Variants in KIF6 observed in about 807,000 individuals in gnomAD.
The protein encoded by KIF6 is kinesin family member 6.
A neutral mutation model predicts 112.7 loss-of-function variants in KIF6; 106 were observed. That is an observed-to-expected ratio of 0.94 (90% CI 0.80 to 1.11). The LOEUF (loss-of-function observed/expected upper bound fraction) is 1.11. KIF6 is among the 50% of genes least tolerant of loss of function. The pLI is 0.00. For synonymous variants in KIF6, 339 were observed against 339.9 expected (o/e 1.00, Z 0.03); for missense variants, 929 against 964.0 (o/e 0.96, Z 0.48).
chr6:39,472,741 G>C (rs1241054974), intron 13 of KIF6, among the ~76,000 whole-genome samples: 1 of 152,136 alleles, frequency 6.6e-6, no homozygotes, highest in Non-Finnish European at 1.5e-5. Flanking sequence ...GATGAGCCCT[G>C]GCCAAGTAGG....
At chr6:39,572,163 A>T (rs1249766562) in intron 10 of KIF6, among the ~76,000 whole-genome samples, 1 of 152,202 alleles carries the variant, frequency 6.6e-6, no homozygotes, top group Non-Finnish European at 1.5e-5. Flanking sequence ...AGAAACCTTA[A>T]GTCTGCAGAG....
Position 39,586,327 on chromosome 6 carries a change from G to A in KIF6, c.924C>T (p.Asp308=). ...RNSMMTSVLR[D]SLGGNCMTTM... Reference sequence around the variant, plus strand: ...TTGTCATGCAGTTCCCTCCCAAACTGTCTCTTAGGACACTGGTCATCATGG... The same window carrying A: ...TTGTCATGCAGTTCCCTCCCAAACTATCTCTTAGGACACTGGTCATCATGG... Residue 308 remains aspartate, a synonymous_variant, in exon 8 of 23, where the codon GAC becomes GAT. Coordinates refer to ENST00000287152, the MANE Select transcript of KIF6 (RefSeq NM_145027.6). The A allele has an allele frequency of 6.2e-7, 1 of 1,613,980 alleles. No individual in the cohort carries two copies. The highest frequency in any genetic ancestry group is 1.1e-5 in the South Asian group (1 of 91,070).
At chr6:39,429,404 T>A (rs1770980385) in intron 14 of KIF6, among the ~76,000 whole-genome samples, 1 of 152,206 alleles carries the variant, frequency 6.6e-6, no homozygotes, top group African/African-American at 2.4e-5. Context: ...GATTTGTTTT[T>A]CCATTCTTGC....
intron 4 of KIF6, among the ~76,000 whole-genome samples, chr6:39,638,853 A>C (rs1352224345): frequency 6.6e-6 from 1 of 152,104 alleles, no homozygotes; most frequent in Non-Finnish European, 1.5e-5. Flanking sequence ...GTGACTCATT[A>C]CGGGGAATTT....
At chr6:39,422,288 G>A in intron 14 of KIF6, among the ~76,000 whole-genome samples, 1 of 152,168 alleles carries the variant, frequency 6.6e-6, no homozygotes, top group Middle Eastern at 3.2e-3. Context: ...CCTTGGCGGT[G>A]CCCAGATGTG....
intron 19 of KIF6, among the ~76,000 whole-genome samples, chr6:39,351,492 G>A (rs1321630511): frequency 6.6e-6 from 1 of 152,026 alleles, no homozygotes; most frequent in East Asian, 1.9e-4. Context: ...TGGCTCAAGC[G>A]ATCCACCGGC....
At chr6:39,482,830 C>T (rs77966025) in intron 13 of KIF6, among the ~76,000 whole-genome samples, 1,832 of 152,230 alleles carry the variant, frequency 0.012, 46 homozygotes, top group African/African-American at 0.041. Flanking sequence ...CCAAGGGCTC[C>T]GGGTACGAGG....
At chr6:39,703,800 T>G (rs887564347) in intron 3 of KIF6, among the ~76,000 whole-genome samples, 2 of 152,208 alleles carry the variant, frequency 1.3e-5, no homozygotes, top group African/African-American at 4.8e-5. Flanking sequence ...TGATTTTGCT[T>G]TTGCCAGTCA....
chr6:39,460,306 T>C (rs1468735748), intron 13 of KIF6, among the ~76,000 whole-genome samples: 2 of 111,332 alleles, frequency 1.8e-5, no homozygotes, highest in Non-Finnish European at 3.5e-5. Context: ...TTCTCACTCA[T>C]AGGTGGGAAT....
intron 13 of KIF6, chr6:39,431,398 G>T (rs116377861): frequency 0.01 from 3,911 of 382,232 alleles, 28 homozygotes; most frequent in Non-Finnish European, 0.014. Flanking sequence ...TGTGACTCGT[G>T]GGGGGCGGGG....
At chr6:39,572,659 CTTT>C (rs35901482) in intron 10 of KIF6, among the ~76,000 whole-genome samples, 56 of 102,188 alleles carry the variant, frequency 5.5e-4, no homozygotes, top group Admixed American at 8.6e-4. Flanking sequence ...GATCTACAGG[CTTT>C]TTTTTTTTTT....
chr6:39,507,902 C>T (rs1776533393), intron 13 of KIF6, among the ~76,000 whole-genome samples: 1 of 145,230 alleles, frequency 6.9e-6, no homozygotes, highest in South Asian at 2.2e-4. Context: ...TCTCTCTCTC[C>T]TCCTTCCTTC....
At chr6:39,641,529 A>G (rs547300774) in intron 3 of KIF6, among the ~76,000 whole-genome samples, 209 of 152,196 alleles carry the variant, frequency 1.4e-3, no homozygotes, top group African/African-American at 4.6e-3. Flanking sequence ...GCATTAGGAG[A>G]TATACCTAAT....
intron 12 of KIF6, among the ~76,000 whole-genome samples, chr6:39,540,569 G>A (rs1332271330): frequency 6.6e-6 from 1 of 152,250 alleles, no homozygotes; most frequent in Non-Finnish European, 1.5e-5. Flanking sequence ...GATAAAAGAT[G>A]AATTTACTCA....
intron 15 of KIF6, among the ~76,000 whole-genome samples, chr6:39,405,296 T>C (rs148837695): frequency 6.6e-6 from 1 of 152,326 alleles, no homozygotes; most frequent in East Asian, 1.9e-4. Flanking sequence ...TTGCTGCCGA[T>C]CTTAGAGAAA....
At chr6:39,702,685 A>C (rs966670478) in intron 3 of KIF6, among the ~76,000 whole-genome samples, 2 of 152,214 alleles carry the variant, frequency 1.3e-5, no homozygotes, top group African/African-American at 4.8e-5. Flanking sequence ...TGTAGGCATG[A>C]GCCACCAAGG....
intron 13 of KIF6, among the ~76,000 whole-genome samples, chr6:39,437,750 A>G (rs1024147431): frequency 9.2e-5 from 14 of 152,202 alleles, no homozygotes; most frequent in African/African-American, 3.4e-4. Context: ...GTTTCAATCA[A>G]TGGTGAACTG....
chr6:39,455,583 G>C (rs1773024998), intron 13 of KIF6, among the ~76,000 whole-genome samples: 1 of 151,234 alleles, frequency 6.6e-6, no homozygotes, highest in Non-Finnish European at 1.5e-5. Context: ...AGCTACGGGA[G>C]GACATTCAAA....
chr6:39,716,127 T>A (rs1789835611), intron 2 of KIF6, among the ~76,000 whole-genome samples: 2 of 152,132 alleles, frequency 1.3e-5, no homozygotes, highest in South Asian at 4.1e-4. Context: ...ATAGCAGAAG[T>A]TTTAAAGAAG....
Sources: allele counts gnomAD v4.1 joint callset (sites outside exome capture counted in the v4.1 genomes callset), GRCh38; gene constraint gnomAD v4.1.1; transcripts MANE v1.5; gene names NCBI Gene and HGNC (gene_info 2026-07-23, HGNC 2026-07-21).